FIG4: variants seen among roughly 807,000 people sequenced by gnomAD.
The protein encoded by FIG4 is polyphosphoinositide phosphatase.
A neutral mutation model predicts 118.6 loss-of-function variants in FIG4; 112 were observed. The ratio of observed to expected loss-of-function variants is 0.94; its 90% CI spans 0.81 to 1.11. The LOEUF (loss-of-function observed/expected upper bound fraction) is 1.11, where lower values mean the gene tolerates loss of function less well. Among genes scored for constraint, FIG4 ranks in the 50% least tolerant of loss-of-function variants. FIG4 has a pLI of 0.00. For synonymous variants in FIG4, 369 were observed against 381.2 expected, an observed-to-expected ratio of 0.97 and a Z score of 0.37; for missense variants, 969 against 1,111.7, an observed-to-expected ratio of 0.87 and a Z score of 1.83.
rs397509395 is a variant in FIG4, at chr6:109,727,130, G to A, written c.311G>A (p.Gly104Asp). Residue 104 changes from glycine (G) to aspartate (D), a missense_variant, in exon 4 of 23, where the codon GGC becomes GAC. Gly to Asp is a moderately conservative substitution (Grantham distance 94, BLOSUM62 -1). This residue lies in a region of FIG4 where 393 missense variants were observed against 409.4 expected (regional missense o/e 0.96). Transcript: ENST00000230124. ...GVVGFVRFLE[G>D]YYIVLITKRR... ...ATAGGTTTTGTCAGGTTCTTAGAAG[G>A]CTATTATATTGTGTTAATAACTAAA... is the stretch of plus-strand genomic sequence containing the variant. The A allele has an allele frequency of 4.3e-6, 7 of 1,610,960 alleles. No individual in the cohort carries two copies. The highest frequency in any genetic ancestry group is 5.9e-6 in the Non-Finnish European group (7 of 1,177,252).
chr6:109,763,478 A>G (rs1777174607), intron 12 of FIG4, among the ~76,000 whole-genome samples: 1 of 152,256 alleles, frequency 6.6e-6, no homozygotes, highest in African/African-American at 2.4e-5. Flanking sequence ...GAAATCTACA[A>G]AACCAACCAA....
chr6:109,811,464 A>T (rs549521280), intron 22 of FIG4, among the ~76,000 whole-genome samples: 1 of 152,216 alleles, frequency 6.6e-6, no homozygotes, highest in South Asian at 2.1e-4. Context: ...TATAATTATT[A>T]TCATAGCCAC....
At chr6:109,811,483 T>A (rs2128400513) in intron 22 of FIG4, among the ~76,000 whole-genome samples, 1 of 152,348 alleles carries the variant, frequency 6.6e-6, no homozygotes, top group African/African-American at 2.4e-5. Context: ...ACAAGTCATC[T>A]AATAGTTGGA....
intron 3 of FIG4, 47 bp downstream of exon 3, chr6:109,716,615 G>C: frequency 6.2e-7 from 1 of 1,608,224 alleles, no homozygotes; most frequent in Non-Finnish European, 8.5e-7. Flanking sequence ...TTTTGTTTTT[G>C]TCTTCTCTAC....
intron 21 of FIG4, 50 bp from the exon 22 acceptor site, chr6:109,796,715 A>C (rs758731217): frequency 9.5e-7 from 1 of 1,055,876 alleles, no homozygotes; most frequent in Non-Finnish European, 1.5e-6. Context: ...TACTGAATTA[A>C]TTGCAAGTAC....
At chr6:109,788,835 A>G (rs1778059068) in intron 18 of FIG4, among the ~76,000 whole-genome samples, 2 of 152,204 alleles carry the variant, frequency 1.3e-5, no homozygotes, top group African/African-American at 2.4e-5. Context: ...AGAAGCCAGG[A>G]GTCTTATCCA....
chr6:109,748,218 C>G (rs1277086665), intron 10 of FIG4, among the ~76,000 whole-genome samples: 3 of 152,102 alleles, frequency 2.0e-5, no homozygotes, highest in African/African-American at 7.2e-5. Context: ...TTGCTCTTGC[C>G]TGCCTTCTTC....
At chr6:109,723,367 A>G (rs1167624341) in intron 3 of FIG4, among the ~76,000 whole-genome samples, 1 of 152,190 alleles carries the variant, frequency 6.6e-6, no homozygotes, top group Non-Finnish European at 1.5e-5. Context: ...CTGAACATTA[A>G]TGTATATGGC....
intron 10 of FIG4, among the ~76,000 whole-genome samples, chr6:109,752,666 T>A (rs6919353): frequency 6.6e-6 from 1 of 151,966 alleles, no homozygotes; most frequent in African/African-American, 2.4e-5. Context: ...CATATCCTTT[T>A]CCCACTTTTT....
intron 20 of FIG4, 29 bp from the exon 21 acceptor site, chr6:109,792,552 TG>T: frequency 7.2e-7 from 1 of 1,381,914 alleles, no homozygotes; most frequent in South Asian, 1.2e-5. Flanking sequence ...AAATTCTTCC[TG>T]GTTCTTCTTT....
chr6:109,802,635 G>T, intron 22 of FIG4, among the ~76,000 whole-genome samples: 1 of 152,232 alleles, frequency 6.6e-6, no homozygotes, highest in East Asian at 1.9e-4. Context: ...GGATCCACAA[G>T]AATTAGAAAA....
chr6:109,705,289 A>G (rs936739286), intron 1 of FIG4, among the ~76,000 whole-genome samples: 1 of 152,196 alleles, frequency 6.6e-6, no homozygotes, highest in African/African-American at 2.4e-5. Context: ...GCCTTTCTGG[A>G]AGTTACCTCT....
At chr6:109,755,493 G>T (rs1411238933) in intron 10 of FIG4, among the ~76,000 whole-genome samples, 1 of 152,126 alleles carries the variant, frequency 6.6e-6, no homozygotes, top group African/African-American at 2.4e-5. Flanking sequence ...GGGTATCCTT[G>T]TTAACTTTCT....
At chr6:109,713,746 AG>A (rs1454370303) in intron 1 of FIG4, among the ~76,000 whole-genome samples, 4 of 151,380 alleles carry the variant, frequency 2.6e-5, no homozygotes, top group African/African-American at 9.7e-5. Flanking sequence ...AGGGAGGGAG[AG>A]GGTGGGCTGC....
chr6:109,696,832 A>G (rs1045114854), intron 1 of FIG4, among the ~76,000 whole-genome samples: 2 of 152,196 alleles, frequency 1.3e-5, no homozygotes, highest in African/African-American at 4.8e-5. Flanking sequence ...ATAGCACTGT[A>G]GGCTGACTAT....
intron 22 of FIG4, among the ~76,000 whole-genome samples, chr6:109,803,999 T>C (rs1034223637): frequency 7.9e-5 from 12 of 152,198 alleles, no homozygotes; most frequent in Non-Finnish European, 1.6e-4. Context: ...ATTATTTATA[T>C]GTGGTTTAAA....
intron 1 of FIG4, among the ~76,000 whole-genome samples, chr6:109,693,190 G>C (rs927129): frequency 0.029 from 4,489 of 152,174 alleles, 226 homozygotes; most frequent in African/African-American, 0.1. Context: ...TGTCTATCTA[G>C]TTTTACATCT....
chr6:109,774,262 A>G (rs1455523369), intron 15 of FIG4, among the ~76,000 whole-genome samples: 1 of 152,204 alleles, frequency 6.6e-6, no homozygotes, highest in Non-Finnish European at 1.5e-5. Flanking sequence ...GTAATTTATA[A>G]TATGCTTTTG....
intron 22 of FIG4, among the ~76,000 whole-genome samples, chr6:109,814,671 CAG>C (rs1328686512): frequency 4.6e-5 from 7 of 152,082 alleles, no homozygotes; most frequent in Non-Finnish European, 1.0e-4. Flanking sequence ...TTGTGAAGCT[CAG>C]AGTGTTCCAA....
Sources: gnomAD v4.1 joint callset for allele counts (sites outside exome capture counted in the v4.1 genomes callset) on GRCh38, gnomAD v4.1.1 for gene constraint, gnomAD v4.1.1 regional missense constraint, MANE v1.5 for transcripts, NCBI Gene and HGNC (gene_info 2026-07-23, HGNC 2026-07-21) for gene names.